VWA8: variants seen among roughly 807,000 people sequenced by gnomAD.
VWA8 encodes von Willebrand factor A domain containing 8, also known as von Willebrand factor A domain-containing protein 8.
In VWA8, 221 loss-of-function variants were observed where a neutral mutation model predicts 241.5. The ratio of observed to expected loss-of-function variants is 0.91; its 90% CI spans 0.82 to 1.02. The LOEUF is 1.02. Ranked by LOEUF, VWA8 falls within the 50% of genes least tolerant of loss-of-function variation. VWA8 has a pLI of 0.00. For synonymous variants in VWA8, 852 were observed against 827.1 expected, an observed-to-expected ratio of 1.03 and a Z score of -0.52; for missense variants, 2,322 against 2,328.7, an observed-to-expected ratio of 1.00 and a Z score of 0.06.
At chr13:41,959,287 C>A (rs1046725575) in intron 1 of VWA8, among the ~76,000 whole-genome samples, 1 of 152,046 alleles carries the variant, frequency 6.6e-6, no homozygotes, top group Non-Finnish European at 1.5e-5. Context: ...AAGTAACCTA[C>A]CCTCAACGAC....
At chr13:41,952,940 G>A (rs1216322592) in intron 1 of VWA8, among the ~76,000 whole-genome samples, 1 of 152,020 alleles carries the variant, frequency 6.6e-6, no homozygotes, top group Non-Finnish European at 1.5e-5. Flanking sequence ...GGCCTGAAGG[G>A]GCAAGGGGAG....
chr13:41,700,243 T>C (rs548773600), intron 28 of VWA8, among the ~76,000 whole-genome samples: 1 of 152,050 alleles, frequency 6.6e-6, no homozygotes, highest in East Asian at 1.9e-4. Context: ...TGGAACACTA[T>C]GTGTGTCTGT....
Position 41,701,388 on chromosome 13 carries a change from A to T in VWA8, c.3364+4T>A, listed in dbSNP as rs755227382. On this transcript the variant is annotated splice_donor_region_variant and intron_variant, in intron 28 of 44. Coordinates refer to ENST00000379310, the MANE Select transcript of VWA8 (RefSeq NM_015058.2). ...GGAAAGATCAAAAGAATAAGCAGAC[A>T]TACCATGTGATGTAGCAATGTCACA... is the stretch of plus-strand genomic sequence containing the variant. The T allele has an allele frequency of 6.3e-7, 1 of 1,594,842 alleles. No homozygotes were observed. The highest frequency in any genetic ancestry group is 1.2e-5 in the South Asian group (1 of 86,628).
Position 41,655,332 on chromosome 13 carries a change from G to A in VWA8, c.4611+15614C>T, listed in dbSNP as rs1322335135. ...TCAAACTCCTGACGTCAGTTGATCC[G>A]CCCACTTCAGCCTCCCAAAGTGCTG... On this transcript the variant is annotated intron_variant, in intron 37 of 44. Coordinates refer to ENST00000379310, the MANE Select transcript of VWA8 (RefSeq NM_015058.2). Among the ~76,000 whole-genome samples the A allele has an allele frequency of 3.3e-5, 5 of 152,008 alleles. No individual in the cohort carries two copies. The South Asian group carries it at 6.2e-4, about 19-fold the overall frequency.
At chr13:41,725,085 G>A (rs73466978) in intron 24 of VWA8, among the ~76,000 whole-genome samples, 1,530 of 152,144 alleles carry the variant, frequency 0.01, 25 homozygotes, top group African/African-American at 0.033. Flanking sequence ...CCCTCTCAAG[G>A]GCAGAGGGGT....
intron 12 of VWA8, among the ~76,000 whole-genome samples, chr13:41,850,586 G>C (rs1018981064): frequency 6.6e-6 from 1 of 152,170 alleles, no homozygotes; most frequent in Non-Finnish European, 1.5e-5. Flanking sequence ...TTAGTTGATA[G>C]GCCCACTCAC....
At chr13:41,810,974 C>T (rs1026822082) in intron 17 of VWA8, among the ~76,000 whole-genome samples, 5 of 151,924 alleles carry the variant, frequency 3.3e-5, no homozygotes, top group African/African-American at 1.2e-4. Context: ...TATTTTGGCT[C>T]ATGGTTCTGC....
rs1360658548 is a variant in VWA8 at position 41,615,228 on chromosome 13, TG to T, written c.4612-145del. ...GGACTTGATAAATGCTGTGAGTATT[TG>T]GCAAAAATTCCATCAGATGGATTCC... On this transcript the variant is annotated intron_variant, in intron 37 of 44. Coordinates refer to ENST00000379310, the MANE Select transcript of VWA8 (RefSeq NM_015058.2). The T allele has an allele frequency of 2.2e-5, 16 of 738,536 alleles. No homozygotes were observed. In the Middle Eastern group the frequency reaches 1.2e-3, roughly 55 times the overall value. The allele number at this position is 738,536 out of a possible 1,614,324, so 45.7% of individuals were successfully genotyped here. A position where few individuals can be genotyped will look rare whatever the true frequency, so the allele number is the denominator to read the frequency against.
intron 12 of VWA8, among the ~76,000 whole-genome samples, chr13:41,855,898 C>A (rs1872727551): frequency 6.6e-6 from 1 of 152,188 alleles, no homozygotes; most frequent in African/African-American, 2.4e-5. Flanking sequence ...TGCTTTTCTA[C>A]TATAATAGCA....
At chr13:41,868,704 T>C (rs796394151) in intron 9 of VWA8, among the ~76,000 whole-genome samples, 1 of 151,608 alleles carries the variant, frequency 6.6e-6, no homozygotes, top group African/African-American at 2.4e-5. Context: ...GCTAACACGG[T>C]GAAACCCCGT....
chr13:41,888,060 T>C (rs1874632937), intron 5 of VWA8, among the ~76,000 whole-genome samples: 1 of 152,212 alleles, frequency 6.6e-6, no homozygotes, highest in Admixed American at 6.5e-5. Context: ...TGTTAGCGTA[T>C]GCATGGTATT....
chr13:41,574,055 G>A (rs928612485), intron 43 of VWA8, among the ~76,000 whole-genome samples: 12 of 151,786 alleles, frequency 7.9e-5, no homozygotes, highest in East Asian at 1.9e-4. Flanking sequence ...TTGCATGCCC[G>A]TATCAAACAT....
intron 19 of VWA8, among the ~76,000 whole-genome samples, chr13:41,781,447 T>G (rs1423188968): frequency 1.3e-5 from 2 of 152,172 alleles, no homozygotes; most frequent in Non-Finnish European, 2.9e-5. Context: ...AATGCCACCA[T>G]AAGTAAACTG....
intron 1 of VWA8, among the ~76,000 whole-genome samples, chr13:41,956,769 T>C (rs1367196775): frequency 2.0e-5 from 3 of 152,154 alleles, no homozygotes; most frequent in Non-Finnish European, 4.4e-5. Flanking sequence ...TTAGACAACA[T>C]GAATGTGCAA....
At chr13:41,856,333 T>TCAAAACAAAACAAAA (rs753676900) in intron 12 of VWA8, among the ~76,000 whole-genome samples, 6 of 151,860 alleles carry the variant, frequency 4.0e-5, no homozygotes, top group African/African-American at 1.2e-4. Context: ...GAGACTTTGA[T>TCAAAACAAAACAAAA]CAAAACAAAA....
intron 14 of VWA8, among the ~76,000 whole-genome samples, chr13:41,829,797 G>T (rs182209626): frequency 6.6e-6 from 1 of 152,040 alleles, no homozygotes; most frequent in African/African-American, 2.4e-5. Context: ...GGAAGCTTGT[G>T]GGGGGCGGTG....
chr13:41,692,102 G>A (rs2045182254), intron 30 of VWA8, among the ~76,000 whole-genome samples, 164 bp from the exon 31 acceptor site: 1 of 151,912 alleles, frequency 6.6e-6, no homozygotes, highest in South Asian at 2.1e-4. Flanking sequence ...ATGGTAAAAT[G>A]GATTAAACTA....
chr13:41,576,872 C>A (rs2044353994), intron 42 of VWA8, among the ~76,000 whole-genome samples: 1 of 152,262 alleles, frequency 6.6e-6, no homozygotes, highest in African/African-American at 2.4e-5. Context: ...AGCCCATACC[C>A]TTCTCTTTTC....
chr13:41,849,429 G>A (rs915867430), intron 12 of VWA8, among the ~76,000 whole-genome samples: 6 of 152,078 alleles, frequency 3.9e-5, no homozygotes, highest in African/African-American at 1.4e-4. Context: ...TGGATCATAA[G>A]GATATATAGA....
Sources: allele counts gnomAD v4.1 joint callset (sites outside exome capture counted in the v4.1 genomes callset), GRCh38; gene constraint gnomAD v4.1.1; transcripts MANE v1.5; gene names NCBI Gene and HGNC (gene_info 2026-07-23, HGNC 2026-07-21).